Variants in SDCCAG8 observed in about 807,000 individuals in gnomAD.
SDCCAG8 encodes the protein serologically defined colon cancer antigen 8.
In SDCCAG8, 74 loss-of-function variants were observed where a neutral mutation model predicts 101.8. The observed-to-expected ratio is 0.73, with a 90% CI of 0.60 to 0.88. The LOEUF (loss-of-function observed/expected upper bound fraction) is 0.88. SDCCAG8 is among the 40% of genes least tolerant of loss of function. The probability of loss-of-function intolerance (pLI) is 0.00; values close to 1 mark genes in which losing one functional copy is unlikely to be tolerated. For missense variants in SDCCAG8, 787 were observed against 822.6 expected (o/e 0.96, Z 0.53); for synonymous variants, 281 against 292.9 (o/e 0.96, Z 0.41).
intron 12 of SDCCAG8, among the ~76,000 whole-genome samples, chr1:243,349,089 G>GT (rs1202754183): frequency 6.6e-6 from 1 of 152,076 alleles, no homozygotes; most frequent in Non-Finnish European, 1.5e-5. Flanking sequence ...AACTGCAAGT[G>GT]TAAGGACCCT....
At chr1:243,465,483 G>A (rs1016722107) in intron 16 of SDCCAG8, among the ~76,000 whole-genome samples, 1 of 152,156 alleles carries the variant, frequency 6.6e-6, no homozygotes, top group Non-Finnish European at 1.5e-5. Flanking sequence ...ATGTTCTATT[G>A]GATATTCAAA....
chr1:243,299,609 T>A (rs1412224596), intron 6 of SDCCAG8, among the ~76,000 whole-genome samples: 2 of 152,126 alleles, frequency 1.3e-5, no homozygotes. Flanking sequence ...AGACGGGGTT[T>A]CATCATATTG....
At chr1:243,392,863 T>A (rs2078787646) in intron 13 of SDCCAG8, among the ~76,000 whole-genome samples, 1 of 152,234 alleles carries the variant, frequency 6.6e-6, no homozygotes, top group Admixed American at 6.5e-5. Flanking sequence ...GGCTGAGGGA[T>A]GCCAGCAAAT....
chr1:243,358,283 G>A (rs2076502988), intron 12 of SDCCAG8, among the ~76,000 whole-genome samples: 5 of 151,792 alleles, frequency 3.3e-5, no homozygotes, highest in Admixed American at 2.6e-4. Context: ...CAAAAGATCC[G>A]AATAGACTTT....
At chr1:243,390,001 T>C (rs1036843265) in intron 13 of SDCCAG8, among the ~76,000 whole-genome samples, 3 of 152,210 alleles carry the variant, frequency 2.0e-5, no homozygotes, top group Non-Finnish European at 1.5e-5. Flanking sequence ...CTCTTTATTA[T>C]TGGGAAAATT....
At chr1:243,485,383 G>T (rs1664583132) in intron 16 of SDCCAG8, among the ~76,000 whole-genome samples, 1 of 152,194 alleles carries the variant, frequency 6.6e-6, no homozygotes, top group Non-Finnish European at 1.5e-5. Flanking sequence ...GGGGCTCAAG[G>T]TGTTAGCAGT....
At chr1:243,420,312 A>G (rs1194906442) in intron 15 of SDCCAG8, among the ~76,000 whole-genome samples, 1 of 152,230 alleles carries the variant, frequency 6.6e-6, no homozygotes, top group Non-Finnish European at 1.5e-5. Context: ...AGATACGCAT[A>G]CATACACGTA....
intron 7 of SDCCAG8, chr1:243,306,685 C>G (rs2072166615): frequency 6.6e-6 from 1 of 152,038 alleles, no homozygotes; most frequent in Non-Finnish European, 1.5e-5. Flanking sequence ...TTTTATAAAG[C>G]CTTTGAAAGT....
At chr1:243,400,796 G>A (rs2079339799) in intron 13 of SDCCAG8, among the ~76,000 whole-genome samples, 1 of 152,146 alleles carries the variant, frequency 6.6e-6, no homozygotes, top group Admixed American at 6.5e-5. Context: ...AGATGTTATT[G>A]TGGATGCTCT....
At chr1:243,404,500 T>A (rs1414670049) in intron 13 of SDCCAG8, among the ~76,000 whole-genome samples, 1 of 152,252 alleles carries the variant, frequency 6.6e-6, no homozygotes, top group Non-Finnish European at 1.5e-5. Flanking sequence ...AATGTTTTGA[T>A]GAAGAAAGTG....
intron 16 of SDCCAG8, among the ~76,000 whole-genome samples, chr1:243,439,084 C>T (rs1293132821): frequency 3.9e-5 from 6 of 152,138 alleles, no homozygotes; most frequent in African/African-American, 4.8e-5. Flanking sequence ...GAAGGTGAGG[C>T]GTGGAAGAAT....
At chr1:243,286,175 A>C in intron 4 of SDCCAG8, 97 bp from the exon 5 acceptor site, 1 of 1,214,796 alleles carries the variant, frequency 8.2e-7, no homozygotes, top group East Asian at 2.3e-5. Context: ...GGAGAACATA[A>C]GTCTTCCGTA....
intron 12 of SDCCAG8, 113 bp from the exon 13 acceptor site, chr1:243,378,608 T>C: frequency 1.7e-6 from 2 of 1,191,934 alleles, no homozygotes; most frequent in East Asian, 2.5e-5. Flanking sequence ...GCCTAAATTT[T>C]CTAATAATTT....
chr1:243,257,940 T>A (rs2066900273), intron 1 of SDCCAG8, among the ~76,000 whole-genome samples: 1 of 152,244 alleles, frequency 6.6e-6, no homozygotes, highest in African/African-American at 2.4e-5. Context: ...AGTCTTTATA[T>A]AATTGTCGGA....
At chr1:243,386,709 C>T (rs996346242) in intron 13 of SDCCAG8, among the ~76,000 whole-genome samples, 6 of 151,782 alleles carry the variant, frequency 4.0e-5, no homozygotes, top group East Asian at 1.9e-4. Flanking sequence ...GCCGAGATTG[C>T]GCCACTGCAC....
intron 1 of SDCCAG8, among the ~76,000 whole-genome samples, chr1:243,259,657 T>C (rs943880836): frequency 2.0e-5 from 3 of 148,680 alleles, no homozygotes; most frequent in Admixed American, 1.3e-4. Flanking sequence ...CTGTCTCTAC[T>C]AAAAATACAA....
intron 16 of SDCCAG8, among the ~76,000 whole-genome samples, chr1:243,471,664 T>TTTCATTC (rs1326506794): frequency 1.3e-5 from 2 of 152,120 alleles, no homozygotes; most frequent in African/African-American, 4.8e-5. Context: ...CCCAGAAGCC[T>TTTCATTC]CAGGAGATGG....
chr1:243,482,630 A>T (rs1320003591), intron 16 of SDCCAG8, among the ~76,000 whole-genome samples: 2 of 152,198 alleles, frequency 1.3e-5, no homozygotes, highest in African/African-American at 2.4e-5. Flanking sequence ...GCCTGGGTGC[A>T]GGCTCCCTCA....
At chr1:243,403,955 A>C (rs1304735942) in intron 13 of SDCCAG8, among the ~76,000 whole-genome samples, 1 of 152,232 alleles carries the variant, frequency 6.6e-6, no homozygotes, top group Non-Finnish European at 1.5e-5. Context: ...CCATGAAACC[A>C]GTCATTGATG....
Sources: gnomAD v4.1 joint callset for allele counts (sites outside exome capture counted in the v4.1 genomes callset) on GRCh38, gnomAD v4.1.1 for gene constraint, MANE v1.5 for transcripts, NCBI Gene and HGNC (gene_info 2026-07-23, HGNC 2026-07-21) for gene names.